LRRC20: variants seen among roughly 807,000 people sequenced by gnomAD.
LRRC20 encodes leucine rich repeat containing 20, also known as leucine-rich repeat-containing protein 20.
Under a neutral mutation model 14.4 loss-of-function variants are expected in LRRC20, and 11 were observed. The observed-to-expected ratio is 0.77, with a 90% CI of 0.48 to 1.27. The LOEUF (loss-of-function observed/expected upper bound fraction) is 1.27. Among genes scored for constraint, LRRC20 ranks in the 50% most tolerant of loss-of-function variants. The pLI is 0.00. For missense variants in LRRC20, 219 were observed against 251.2 expected (o/e 0.87, Z 0.87); for synonymous variants, 121 against 107.3 (o/e 1.13, Z -0.79).
chr10:70,325,751 C>T (rs1158707790), intron 3 of LRRC20, among the ~76,000 whole-genome samples: 2 of 152,196 alleles, frequency 1.3e-5, no homozygotes, highest in Non-Finnish European at 1.5e-5. Flanking sequence ...AGGGTGGTTG[C>T]GTGGGTGCCC....
At chr10:70,302,814 C>T (rs1159895613) in intron 4 of LRRC20, among the ~76,000 whole-genome samples, 1 of 151,808 alleles carries the variant, frequency 6.6e-6, no homozygotes, top group Non-Finnish European at 1.5e-5. Flanking sequence ...AGGTTCACGC[C>T]ATTCTCCTGC....
chr10:70,375,769 A>G (rs1453054732), intron 2 of LRRC20, among the ~76,000 whole-genome samples: 1 of 8,566 alleles, frequency 1.2e-4, no homozygotes, highest in African/African-American at 1.3e-4. Flanking sequence ...ACATGCACGC[A>G]CACACAGGAC....
chr10:70,375,532 C>CTACCAT (rs1186012911), intron 2 of LRRC20, among the ~76,000 whole-genome samples: 1 of 152,142 alleles, frequency 6.6e-6, no homozygotes, highest in African/African-American at 2.4e-5. Context: ...AAGGCAGTAA[C>CTACCAT]TACCATGGAA....
In LRRC20 at chr10:70,323,924, A is replaced by C. The variant is rs763330543; in HGVS notation, c.339T>G (p.Pro113=). The C allele has an allele frequency of 1.2e-6, 2 of 1,614,190 alleles. No homozygotes were observed. The highest frequency in any genetic ancestry group is 1.7e-6 in the Non-Finnish European group (2 of 1,180,032). The part of the protein sequence containing the change: ...DLSRNQFQDF[P]EQLTALPALE... ...GCGCCGGCAGGGCGGTAAGCTGCTC[A>C]GGGAAGTCCTGGAACTGGTTCCGGG... The change falls in exon 4 of 5, where the codon CCT becomes CCG. Residue 113 remains proline, a synonymous_variant. Transcript: ENST00000446961.
At chr10:70,380,719 T>C (rs1407213408) in intron 1 of LRRC20, among the ~76,000 whole-genome samples, 2 of 152,246 alleles carry the variant, frequency 1.3e-5, no homozygotes, top group African/African-American at 2.4e-5. Flanking sequence ...CCTCAAAGCA[T>C]GGCCCTCTCC....
intron 4 of LRRC20, 27 bp downstream of exon 4, chr10:70,323,836 A>T: frequency 6.2e-7 from 1 of 1,613,090 alleles, no homozygotes; most frequent in Non-Finnish European, 8.5e-7. Context: ...GCAGCAGCCC[A>T]GGGCCAGGTG....
At chr10:70,365,712 A>C (rs971004953) in intron 2 of LRRC20, among the ~76,000 whole-genome samples, 3 of 151,932 alleles carry the variant, frequency 2.0e-5, no homozygotes, top group Non-Finnish European at 2.9e-5. Flanking sequence ...AAAAAACAAA[A>C]CTAAAAAGAA....
intron 1 of LRRC20, among the ~76,000 whole-genome samples, chr10:70,378,870 C>G (rs2137189344): frequency 6.6e-6 from 1 of 152,082 alleles, no homozygotes; most frequent in East Asian, 1.9e-4. Context: ...CGCTTGAACC[C>G]AGGAGGCGGA....
Position 70,301,412 on chromosome 10 carries a change from G to C in LRRC20, c.497C>G (p.Pro166Arg), listed in dbSNP as rs753431903. 3.7e-6 allele frequency: 6 copies of C among 1,613,768 alleles called. No individual in the cohort carries two copies. In the South Asian group the frequency reaches 6.6e-5, roughly 18 times the overall value. Residue 166 changes from proline (P) to arginine (R), a missense_variant, in exon 5 of 5, where the codon CCG becomes CGG. Coordinates refer to ENST00000446961, the MANE Select transcript of LRRC20 (RefSeq NM_001278212.2). ...CATGAGCATGTCAAACTTGATGAGC[G>C]GCGGGGCGATCACGCGCACCTCGGC... ...LNAEVRVIAP[P>R]LIKFDMLMSP...
intron 2 of LRRC20, among the ~76,000 whole-genome samples, chr10:70,372,954 A>T (rs920905110): frequency 2.0e-5 from 3 of 151,834 alleles, no homozygotes; most frequent in Non-Finnish European, 2.9e-5. Context: ...AAAAAAAAAA[A>T]AATAGAAAAA....
intron 2 of LRRC20, among the ~76,000 whole-genome samples, chr10:70,360,411 C>T (rs1371017902): frequency 6.6e-6 from 1 of 151,598 alleles, no homozygotes. Context: ...CCTCCCCCTC[C>T]TCCTCTTCTT....
chr10:70,375,855 T>C (rs1844489537), intron 2 of LRRC20, among the ~76,000 whole-genome samples: 1 of 152,114 alleles, frequency 6.6e-6, no homozygotes, highest in South Asian at 2.1e-4. Context: ...CTGAATTCGA[T>C]TAAATGGGAT....
intron 2 of LRRC20, among the ~76,000 whole-genome samples, chr10:70,348,030 T>C (rs1843144340): frequency 6.6e-6 from 1 of 152,170 alleles, no homozygotes; most frequent in African/African-American, 2.4e-5. Flanking sequence ...ATCTGCACAG[T>C]ATCCTGTGAC....
intron 2 of LRRC20, among the ~76,000 whole-genome samples, chr10:70,375,894 G>A (rs1308582894): frequency 6.6e-6 from 1 of 152,038 alleles, no homozygotes; most frequent in Non-Finnish European, 1.5e-5. Context: ...GGAGTCTTGG[G>A]GTAATTGATG....
At chr10:70,340,736 T>C (rs1289513615) in intron 2 of LRRC20, 34 bp from the exon 3 acceptor site, 2 of 1,612,146 alleles carry the variant, frequency 1.2e-6, no homozygotes, top group South Asian at 1.1e-5. Context: ...ACCAGAGTTA[T>C]CAGCCACAGC....
At chr10:70,331,842 A>G (rs1842547708) in intron 3 of LRRC20, among the ~76,000 whole-genome samples, 2 of 152,166 alleles carry the variant, frequency 1.3e-5, no homozygotes, top group South Asian at 4.1e-4. Flanking sequence ...GGTGTCTGTT[A>G]AATGGACCTC....
Position 70,362,927 on chromosome 10 carries a change from G to A in LRRC20, c.82+13525C>T, listed in dbSNP as rs911590351. On this transcript the variant is annotated intron_variant, in intron 2 of 4. Coordinates refer to ENST00000446961, the MANE Select transcript of LRRC20 (RefSeq NM_001278212.2). ...GGGGCCTTTGGGAGGTGATTAGGTC[G>A]TGAGGGTGGAGCCCCCATGGACAGG... 9.5e-4 allele frequency among the ~76,000 whole-genome samples: 145 copies of A among 152,176 alleles called. 1 individual carries two copies. Among genetic ancestry groups the A allele is most frequent in the African/African-American group, 3.2e-3 (132 of 41,526 alleles).
chr10:70,376,329 C>T, intron 2 of LRRC20, 123 bp downstream of exon 2: 1 of 969,232 alleles, frequency 1.0e-6, no homozygotes, highest in South Asian at 1.5e-5. Context: ...GAAAGTTCCA[C>T]AAAACACTTA....
At chr10:70,348,792 G>A (rs190547636) in intron 2 of LRRC20, among the ~76,000 whole-genome samples, 14 of 152,336 alleles carry the variant, frequency 9.2e-5, no homozygotes, top group African/African-American at 3.4e-4. Context: ...CTGGGGAAAG[G>A]GGCCAACAGC....
Sources: gnomAD v4.1 joint callset for allele counts (sites outside exome capture counted in the v4.1 genomes callset) on GRCh38, gnomAD v4.1.1 for gene constraint, MANE v1.5 for transcripts, NCBI Gene and HGNC (gene_info 2026-07-23, HGNC 2026-07-21) for gene names.